Variants in CD1B observed in about 807,000 individuals in gnomAD.
CD1B encodes the protein CD1b molecule, also known as T-cell surface glycoprotein CD1b.
Under a neutral mutation model 39.8 loss-of-function variants are expected in CD1B, and 43 were observed. The ratio of observed to expected loss-of-function variants is 1.08; its 90% CI spans 0.85 to 1.39. The LOEUF is 1.39. Ranked by LOEUF, CD1B falls within the 40% of genes most tolerant of loss-of-function variation. The pLI is 0.00. For missense variants in CD1B, 495 were observed against 403.8 expected (o/e 1.23, Z -1.94); for synonymous variants, 192 against 152.5 (o/e 1.26, Z -1.91).
In CD1B at chr1:158,329,380, G is replaced by T. The variant is rs536481873; in HGVS notation, c.876C>A (p.Ile292=). The change falls in exon 4 of 6, where the codon ATC becomes ATA. Residue 292 remains isoleucine, a synonymous_variant. Transcript: ENST00000368168. ...CCTGCTATTTCTTACTCCAGTAGAG[G>T]ATGATGTCCTGGCCCTCTAAACTGC... ...KHSSLEGQDI[I]LYWRNPTSIG... is the part of the protein sequence containing the mutation. The T allele has an allele frequency of 2.5e-6, 4 of 1,613,560 alleles. No individual in the cohort carries two copies. The highest frequency in any genetic ancestry group is 3.3e-5 in the Admixed American group (2 of 59,994).
At chr1:158,290,051 C>G in the CD1B span, 1 of 1,613,224 alleles carries the variant, frequency 6.2e-7, no homozygotes, top group Non-Finnish European at 8.5e-7. Context: ...GAGAAAGAAA[C>G]ATCTGCAAAT....
the CD1B span, among the ~76,000 whole-genome samples, chr1:158,288,092 T>C: frequency 1.9e-4 from 29 of 152,362 alleles, 2 homozygotes; most frequent in Admixed American, 1.6e-3. Context: ...GTATCTACTA[T>C]TGTTTTCTAA....
At chr1:158,315,605 GT>G in the CD1B span, among the ~76,000 whole-genome samples, 1 of 151,120 alleles carries the variant, frequency 6.6e-6, no homozygotes, top group Non-Finnish European at 1.5e-5. Flanking sequence ...CATTTTGTAG[GT>G]TGCCTGTTCA....
At chr1:158,286,421 T>C in the CD1B span, among the ~76,000 whole-genome samples, 1 of 152,232 alleles carries the variant, frequency 6.6e-6, no homozygotes, top group African/African-American at 2.4e-5. Flanking sequence ...TAGGGATAGA[T>C]GTACATAAAC....
At chr1:158,331,265 C>A in intron 1 of CD1B, 98 bp downstream of exon 1, 1 of 1,234,716 alleles carries the variant, frequency 8.1e-7, no homozygotes. Flanking sequence ...CAGAAAGACC[C>A]AGACCCTTAG....
the CD1B span, among the ~76,000 whole-genome samples, chr1:158,321,665 T>G: frequency 6.6e-6 from 1 of 152,240 alleles, no homozygotes; most frequent in Non-Finnish European, 1.5e-5. Flanking sequence ...CTGTTTATCT[T>G]TAGTGTATCT....
the CD1B span, chr1:158,293,183 G>T: frequency 1.1e-5 from 17 of 1,523,252 alleles, no homozygotes; most frequent in South Asian, 1.5e-4. Flanking sequence ...GTTTAAAATG[G>T]CATCCATGTA....
At chr1:158,320,049 C>T in the CD1B span, among the ~76,000 whole-genome samples, 1 of 152,326 alleles carries the variant, frequency 6.6e-6, no homozygotes, top group East Asian at 1.9e-4. Context: ...ACTGGGAGAA[C>T]CACTGCTCTC....
In CD1B at chr1:158,330,095, G is replaced by T; in HGVS notation, c.364C>A (p.Leu122Ile). The stretch of plus-strand genomic sequence containing the variant: ...CTTACTATGGCACCTCCAGAATGTA[G>T]CTCACAGCCTGCTATGCCCTGGATC... Reference protein sequence around the residue: ...FEIQGIAGCELHSGGAIVSFL... With the variant: ...FEIQGIAGCEIHSGGAIVSFL... The change falls in exon 3 of 6, where the codon CTA becomes ATA. Residue 122 changes from leucine (L) to isoleucine (I), a missense_variant. Leu to Ile is a conservative substitution (Grantham distance 5). Transcript: ENST00000368168. The T allele has an allele frequency of 1.9e-6, 3 of 1,613,840 alleles. No individual in the cohort carries two copies. Among genetic ancestry groups the T allele is most frequent in the Non-Finnish European group, 2.5e-6 (3 of 1,179,834 alleles).
At position 158,330,885 on chromosome 1, in the gene CD1B, T is replaced by C. The variant is rs1365748555; in HGVS notation, c.239A>G (p.Glu80Gly). The C allele has an allele frequency of 1.3e-5, 21 of 1,613,862 alleles. No individual in the cohort carries two copies. Among genetic ancestry groups the C allele is most frequent in the Non-Finnish European group, 1.8e-5 (21 of 1,179,858 alleles). ...PWSKGNFSDK[E>G]VAELEEIFRV... ...GAATATCTCCTCTAACTCAGCAACC[T>C]CCTTATCACTAAAGTTACCTTTAGA... Residue 80 changes from glutamate (E) to glycine (G), a missense_variant, in exon 2 of 6, where the codon GAG becomes GGG. Physicochemically the swap from Glu to Gly is moderately conservative, Grantham distance 98 (BLOSUM62 -2). Transcript: ENST00000368168.
chr1:158,297,370 G>A, the CD1B span, among the ~76,000 whole-genome samples: 3 of 152,086 alleles, frequency 2.0e-5, no homozygotes, highest in African/African-American at 4.8e-5. Context: ...ATATGTTAAA[G>A]AGAAATTCAG....
the CD1B span, among the ~76,000 whole-genome samples, chr1:158,317,756 G>T: frequency 6.6e-6 from 1 of 152,214 alleles, no homozygotes. Context: ...TGTGATGTTA[G>T]GATGTCAATT....
chr1:158,329,651 A>G lies in CD1B; in HGVS notation c.608-3T>C. On this transcript the variant is annotated splice_region_variant and splice_polypyrimidine_tract_variant and intron_variant, in intron 3 of 5. Coordinates refer to ENST00000368168, the MANE Select transcript of CD1B (RefSeq NM_001764.3). ...GGACAGCCAGGCCTCAGGCTTCACT[A>G]AGGCAGGAAGGAGAAAAAAAAGTGT... is the stretch of plus-strand genomic sequence containing the variant. 6.2e-7 allele frequency: 1 copy of G among 1,611,708 alleles called. No individual in the cohort carries two copies. Among genetic ancestry groups the G allele is most frequent in the South Asian group, 1.1e-5 (1 of 91,000 alleles).
chr1:158,293,387 A>G, the CD1B span: 1 of 1,592,200 alleles, frequency 6.3e-7, no homozygotes. Flanking sequence ...TCTATTGACT[A>G]CTCCACCTTA....
chr1:158,292,048 G>T, the CD1B span: 13 of 1,572,644 alleles, frequency 8.3e-6, no homozygotes, highest in Admixed American at 1.4e-4. Context: ...TCACTTTTTT[G>T]TTTGAACTCT....
downstream of CD1B, among the ~76,000 whole-genome samples, chr1:158,325,930 A>C (rs969011776): frequency 6.6e-6 from 1 of 152,190 alleles, no homozygotes; most frequent in Non-Finnish European, 1.5e-5. Flanking sequence ...TACATAGTAT[A>C]ATAAAACCTG....
the CD1B span, among the ~76,000 whole-genome samples, chr1:158,316,316 A>G: frequency 2.6e-5 from 4 of 151,746 alleles, no homozygotes; most frequent in Non-Finnish European, 4.4e-5. Context: ...ATTTGTTTTT[A>G]TCCTCTTTTA....
chr1:158,293,747 T>A, the CD1B span: 1 of 664,144 alleles, frequency 1.5e-6, no homozygotes, highest in Non-Finnish European at 2.6e-6. Flanking sequence ...GCCCCTCAAC[T>A]GTTATGTGCA....
chr1:158,294,703 TTA>T, the CD1B span, among the ~76,000 whole-genome samples: 1 of 152,218 alleles, frequency 6.6e-6, no homozygotes, highest in Admixed American at 6.5e-5. Flanking sequence ...CTGATATACT[TTA>T]TGTCACTTAA....
Sources: gnomAD v4.1 joint callset for allele counts (sites outside exome capture counted in the v4.1 genomes callset) on GRCh38, gnomAD v4.1.1 for gene constraint, MANE v1.5 for transcripts, NCBI Gene and HGNC (gene_info 2026-07-23, HGNC 2026-07-21) for gene names.